The following ASMTL variants were observed in gnomAD, a reference collection of about 807,000 sequenced individuals.
ASMTL encodes the protein probable bifunctional dTTP/UTP pyrophosphatase/methyltransferase protein.
ASMTL carries 57 observed loss-of-function variants against 60.3 expected under a neutral mutation model. The ratio of observed to expected loss-of-function variants is 0.95; its 90% CI spans 0.76 to 1.18. The LOEUF (loss-of-function observed/expected upper bound fraction) is 1.18. Among genes scored for constraint, ASMTL ranks in the 50% most tolerant of loss-of-function variants. ASMTL has a pLI of 0.00. For synonymous variants in ASMTL, 419 were observed against 373.0 expected (o/e 1.12, Z -1.42); for missense variants, 981 against 852.6 (o/e 1.15, Z -1.88).
chrX:1,416,972 G>A (rs781457874), intron 11 of ASMTL, among the ~76,000 whole-genome samples: 7 of 150,492 alleles, frequency 4.7e-5, no homozygotes, highest in Admixed American at 1.3e-4. Flanking sequence ...GTACAGACAC[G>A]CATGCAAGGA....
At chrX:1,423,473 A>G (rs2090530574) in intron 8 of ASMTL, among the ~76,000 whole-genome samples, 2 of 152,024 alleles carry the variant, frequency 1.3e-5, no homozygotes, top group African/African-American at 2.4e-5. Context: ...GGACTTGGTC[A>G]TGTGCTCTCT....
At chrX:1,438,566 T>G (rs189658808) in intron 3 of ASMTL, among the ~76,000 whole-genome samples, 1 of 152,062 alleles carries the variant, frequency 6.6e-6, no homozygotes, top group Non-Finnish European at 1.5e-5. Flanking sequence ...CAGGCTGGAG[T>G]GCAGTGGCGC....
chrX:1,418,761 AAG>A (rs2090388821), intron 10 of ASMTL, among the ~76,000 whole-genome samples: 2 of 152,186 alleles, frequency 1.3e-5, no homozygotes, highest in East Asian at 3.9e-4. Context: ...CCGCAGCCAA[AAG>A]AGAGGGCCCC....
chrX:1,432,519 T>C, intron 5 of ASMTL, 142 bp from the exon 6 acceptor site: 1 of 691,972 alleles, frequency 1.4e-6, no homozygotes, highest in African/African-American at 1.8e-5. Context: ...GAGAATAAGG[T>C]TCATTTCGGA....
chrX:1,434,141 G>C (rs1448553912), intron 5 of ASMTL, among the ~76,000 whole-genome samples: 1 of 152,094 alleles, frequency 6.6e-6, no homozygotes, highest in Non-Finnish European at 1.5e-5. Context: ...GAATGGGTTG[G>C]TGCAGGAAGA....
At position 1,403,294 on chromosome X, in the gene ASMTL, A is replaced by G. The variant is rs1603450013; in HGVS notation, c.1841T>C (p.Ile614Thr). 2.0e-5 allele frequency: 33 copies of G among 1,612,894 alleles called. No individual in the cohort carries two copies. The highest frequency in any genetic ancestry group is 2.8e-5 in the Non-Finnish European group (33 of 1,179,854). ...VVHLGGVLDA[I>T]LATKVAP ...TCAGGGGGCCACTTTGGTGGCCAAGATGGCATCCAGGACACCCCCCAAGTG... is the reference window on the plus strand; with the variant it reads ...TCAGGGGGCCACTTTGGTGGCCAAGGTGGCATCCAGGACACCCCCCAAGTG... The change falls in exon 13 of 13, where the codon ATC (isoleucine) becomes ACC (threonine). Residue 614 changes from isoleucine to threonine, a missense_variant. Transcript: ENST00000381317.
chrX:1,412,377 A>G (rs1476224561), intron 12 of ASMTL, among the ~76,000 whole-genome samples: 2 of 151,250 alleles, frequency 1.3e-5, no homozygotes, highest in East Asian at 2.0e-4. Context: ...ACAGGTGCGC[A>G]CTACCACACC....
chrX:1,452,093 C>CT (rs2091406913), intron 1 of ASMTL, among the ~76,000 whole-genome samples: 2 of 149,346 alleles, frequency 1.3e-5, no homozygotes, highest in Non-Finnish European at 1.5e-5. Flanking sequence ...GGTTACTCTC[C>CT]CCTCCCCCAT....
chrX:1,438,973 G>C, intron 3 of ASMTL, 124 bp downstream of exon 3: 2 of 1,064,962 alleles, frequency 1.9e-6, no homozygotes, highest in Admixed American at 3.8e-5. Flanking sequence ...TTTGTGATGG[G>C]AGTTTCTGGA....
intron 11 of ASMTL, 23 bp downstream of exon 11, chrX:1,417,950 G>A: frequency 6.3e-7 from 1 of 1,590,516 alleles, no homozygotes; most frequent in Non-Finnish European, 8.6e-7. Flanking sequence ...AAGGTTAGCA[G>A]GGTGAACAGG....
At chrX:1,415,534 C>CA (rs2090211530) in intron 11 of ASMTL, among the ~76,000 whole-genome samples, 2 of 149,550 alleles carry the variant, frequency 1.3e-5, no homozygotes, top group Non-Finnish European at 3.0e-5. Context: ...GGTGAGATCT[C>CA]AGCTCACTGC....
At chrX:1,407,745 T>C (rs2089919430) in intron 12 of ASMTL, among the ~76,000 whole-genome samples, 1 of 150,560 alleles carries the variant, frequency 6.6e-6, no homozygotes, top group South Asian at 2.1e-4. Context: ...AAAAGGATGA[T>C]AGATGTATAA....
intron 11 of ASMTL, chrX:1,413,823 G>A (rs2090129606): frequency 6.6e-6 from 1 of 152,298 alleles, no homozygotes; most frequent in Non-Finnish European, 1.5e-5. Context: ...AGAGACTGGA[G>A]TGATGCGGCC....
Position 1,439,114 on chromosome X carries a change from C to T in ASMTL, c.256G>A (p.Gly86Arg). ...GCACTCACCACGATCGTGTCCGCTC[C>T]AATGACCACGTCGGGGGCCCGCAGG... Reference protein sequence around the residue: ...KDLRAPDVVIGADTIVTVGGL... With the variant: ...KDLRAPDVVIRADTIVTVGGL... The change falls in exon 3 of 13, where the codon GGA becomes AGA. Residue 86 changes from glycine (G) to arginine (R), a missense_variant. By Grantham distance (125) the Gly-to-Arg change is moderately radical. Coordinates refer to ENST00000381317, the MANE Select transcript of ASMTL (RefSeq NM_004192.4). 1 of 1,614,026 alleles carries T rather than the reference C, an allele frequency of 6.2e-7. No individual in the cohort carries two copies. Among genetic ancestry groups the T allele is most frequent in the Non-Finnish European group, 8.5e-7 (1 of 1,179,874 alleles).
At position 1,452,900 on chromosome X, in the gene ASMTL, A is replaced by T; in HGVS notation, c.-60T>A. On this transcript the variant is annotated 5_prime_UTR_variant, in exon 1 of 13. Coordinates refer to ENST00000381317, the MANE Select transcript of ASMTL (RefSeq NM_004192.4). Reference sequence around the variant, plus strand: ...TGAGCCCGGAGCCCGCGGTGCGCGCAGCGCGGCTGCAAAAAAAACAGGCGG... The same window carrying T: ...TGAGCCCGGAGCCCGCGGTGCGCGCTGCGCGGCTGCAAAAAAAACAGGCGG... The T allele has an allele frequency of 1.5e-6, 2 of 1,332,112 alleles. No individual in the cohort carries two copies. The highest frequency in any genetic ancestry group is 2.0e-6 in the Non-Finnish European group (2 of 1,000,462). The allele number at this position is 1,332,112 out of a possible 1,614,324, so 82.5% of individuals were successfully genotyped here.
At chrX:1,407,794 CAG>C (rs1446121358) in intron 12 of ASMTL, among the ~76,000 whole-genome samples, 3 of 150,394 alleles carry the variant, frequency 2.0e-5, no homozygotes, top group Non-Finnish European at 4.4e-5. Flanking sequence ...GAGGAAGAGA[CAG>C]AGAAGATAAA....
intron 12 of ASMTL, among the ~76,000 whole-genome samples, chrX:1,411,898 C>T (rs2090042601): frequency 6.7e-6 from 1 of 148,914 alleles, no homozygotes; most frequent in Admixed American, 6.7e-5. Flanking sequence ...CTGCAACCTC[C>T]GTCTCCAGGT....
At chrX:1,417,864 T>C (rs1301152167) in intron 11 of ASMTL, 109 bp downstream of exon 11, 3 of 1,421,562 alleles carry the variant, frequency 2.1e-6, no homozygotes, top group Non-Finnish European at 1.9e-6. Flanking sequence ...ATACCCACCA[T>C]GGAAACGCCC....
Position 1,419,097 on chromosome X carries a change from G to GCT in ASMTL, c.1261_1262dup (p.Ser421ArgfsTer7). ...GCATGAACCTCAGCCGCGTCTCCGG[G>GCT]CTCTGGTAGTACGCATCCTGGAACA... On this transcript the variant is annotated frameshift_variant, in exon 10 of 13. Coordinates refer to ENST00000381317, the MANE Select transcript of ASMTL (RefSeq NM_004192.4). LOFTEE classifies it high-confidence loss of function. 1 of 1,611,322 alleles carries GCT rather than the reference G, an allele frequency of 6.2e-7. No individual in the cohort carries two copies. Among genetic ancestry groups the GCT allele is most frequent in the South Asian group, 1.1e-5 (1 of 90,844 alleles).
Sources: allele counts gnomAD v4.1 joint callset (sites outside exome capture counted in the v4.1 genomes callset), GRCh38; gene constraint gnomAD v4.1.1; transcripts MANE v1.5; gene names NCBI Gene and HGNC (gene_info 2026-07-23, HGNC 2026-07-21).